MTUS2: variants seen among roughly 807,000 people sequenced by gnomAD.
MTUS2 encodes microtubule associated scaffold protein 2, also known as microtubule-associated tumor suppressor candidate 2.
A neutral mutation model predicts 114.1 loss-of-function variants in MTUS2; 40 were observed. The observed-to-expected ratio is 0.35, with a 90% CI of 0.27 to 0.46. MTUS2 has a LOEUF of 0.46. Among genes scored for constraint, MTUS2 ranks in the 20% least tolerant of loss-of-function variants. The pLI is 1.00. For missense variants in MTUS2, 1,679 were observed against 1,705.4 expected (o/e 0.98, Z 0.27); for synonymous variants, 688 against 672.0 (o/e 1.02, Z -0.37).
chr13:29,298,661 A>G (rs1308744215), intron 6 of MTUS2, among the ~76,000 whole-genome samples: 1 of 152,202 alleles, frequency 6.6e-6, no homozygotes, highest in South Asian at 2.1e-4. Context: ...GGAAAAAACA[A>G]AGTAAGAAAT....
At chr13:29,450,039 C>A (rs538715980) in intron 9 of MTUS2, among the ~76,000 whole-genome samples, 3 of 152,292 alleles carry the variant, frequency 2.0e-5, no homozygotes, top group Middle Eastern at 3.4e-3. Context: ...TGCCCCCCGA[C>A]CACGGTGCAG....
chr13:29,470,306 A>AT (rs1029228069), intron 9 of MTUS2, among the ~76,000 whole-genome samples: 10 of 152,146 alleles, frequency 6.6e-5, no homozygotes, highest in Admixed American at 5.2e-4. Context: ...TGAATTTTAT[A>AT]TTTTTCATAC....
chr13:29,194,954 A>G (rs1894618221), intron 5 of MTUS2, among the ~76,000 whole-genome samples: 1 of 150,058 alleles, frequency 6.7e-6, no homozygotes, highest in Admixed American at 6.6e-5. Flanking sequence ...AGGGACATGG[A>G]TGAAATTGGA....
intron 2 of MTUS2, among the ~76,000 whole-genome samples, chr13:28,843,920 A>G (rs1294328501): frequency 6.6e-6 from 1 of 152,228 alleles, no homozygotes; most frequent in Non-Finnish European, 1.5e-5. Flanking sequence ...GCTGTGTAAT[A>G]TTTGAACATG....
chr13:29,364,294 G>A (rs2138256001), intron 8 of MTUS2, among the ~76,000 whole-genome samples: 1 of 152,290 alleles, frequency 6.6e-6, no homozygotes, highest in East Asian at 1.9e-4. Context: ...GCAGAATGTG[G>A]GGTGAGCAAA....
chr13:29,086,083 T>C (rs1309924067), intron 4 of MTUS2, among the ~76,000 whole-genome samples: 1 of 152,232 alleles, frequency 6.6e-6, no homozygotes, highest in African/African-American at 2.4e-5. Flanking sequence ...GTATGTCTTC[T>C]TTTGAGAAGT....
At chr13:29,180,780 C>G (rs1056056394) in intron 5 of MTUS2, among the ~76,000 whole-genome samples, 1 of 152,150 alleles carries the variant, frequency 6.6e-6, no homozygotes, top group Admixed American at 6.5e-5. Flanking sequence ...TTGGCTCTTA[C>G]AAGTGGGACA....
intron 6 of MTUS2, among the ~76,000 whole-genome samples, chr13:29,316,464 G>T (rs962983971): frequency 3.5e-4 from 53 of 152,258 alleles, no homozygotes; most frequent in African/African-American, 1.2e-3. Flanking sequence ...GCCATTTCCT[G>T]GTCTCTTAGT....
intron 2 of MTUS2, among the ~76,000 whole-genome samples, chr13:28,895,243 C>G (rs950606818): frequency 6.6e-6 from 1 of 152,218 alleles, no homozygotes; most frequent in Admixed American, 6.5e-5. Flanking sequence ...GCCTCTGAGA[C>G]AGCATCCCTC....
In MTUS2 at chr13:29,404,571, T is replaced by C. The variant is rs145871764; in HGVS notation, c.3118-35412T>C. On this transcript the variant is annotated intron_variant, in intron 8 of 15. Coordinates refer to ENST00000612955, the MANE Select transcript of MTUS2 (RefSeq NM_001033602.4). ...CTCCACAGATACAATTTTAACATTG[T>C]TCTTAGAGCCACAGGTGGATTTGTG... Among the ~76,000 whole-genome samples the C allele has an allele frequency of 1.1e-3, 172 of 152,264 alleles. 1 individual carries two copies. Among genetic ancestry groups the C allele is most frequent in the African/African-American group, 4.0e-3 (168 of 41,572 alleles).
At position 29,247,936 on chromosome 13, in the gene MTUS2, AG is replaced by A. The variant is rs770426326; in HGVS notation, c.2645-33767del. 1.7e-4 allele frequency among the ~76,000 whole-genome samples: 26 copies of A among 152,178 alleles called. 1 individual carries two copies. The highest frequency in any genetic ancestry group is 1.7e-3 in the Admixed American group (26 of 15,284). On this transcript the variant is annotated intron_variant, in intron 5 of 15. Transcript: ENST00000612955. ...AGGAAAAGAAGTCGTTTTAGGAAAA[AG>A]ACACTTGCACATGCATGTTTATAGC...
At chr13:29,315,305 A>G (rs11840712) in intron 6 of MTUS2, among the ~76,000 whole-genome samples, 26,005 of 152,154 alleles carry the variant, frequency 0.17, 2,614 homozygotes, top group South Asian at 0.35. Flanking sequence ...TCAAGTAGCT[A>G]GAAGAGAGGA....
At chr13:29,010,483 T>A (rs1249498714) in intron 2 of MTUS2, among the ~76,000 whole-genome samples, 1 of 152,114 alleles carries the variant, frequency 6.6e-6, no homozygotes, top group Non-Finnish European at 1.5e-5. Context: ...GGGTCTCCCT[T>A]TCCTTGCCAC....
At position 28,859,224 on chromosome 13, in the gene MTUS2, G is replaced by A. The variant is rs538850587; in HGVS notation, c.-243+19374G>A. ...GTTGGACTTGACCCTGTGTTGCCCT[G>A]TTCAGTGGTCAGTACTACAGGGGTG... On this transcript the variant is annotated intron_variant, in intron 2 of 15. Coordinates refer to ENST00000612955, the MANE Select transcript of MTUS2 (RefSeq NM_001033602.4). Among the ~76,000 whole-genome samples, 8 of 152,322 alleles carry A rather than the reference G, an allele frequency of 5.3e-5. No individual in the cohort carries two copies. The East Asian group carries it at 5.8e-4, about 11-fold the overall frequency.
intron 3 of MTUS2, 68 bp from the exon 4 acceptor site, chr13:29,033,817 G>A (rs1407592911): frequency 3.7e-5 from 58 of 1,584,088 alleles, no homozygotes; most frequent in East Asian, 3.2e-4. Flanking sequence ...CCTCGGTCTC[G>A]TGGTCCTGTA....
intron 14 of MTUS2, 84 bp from the exon 15 acceptor site, chr13:29,501,013 C>G: frequency 9.8e-7 from 1 of 1,021,238 alleles, no homozygotes; most frequent in Non-Finnish European, 1.5e-6. Context: ...CTTGATAATC[C>G]TCCAATGCCC....
At chr13:28,994,261 A>G (rs149799673) in intron 2 of MTUS2, among the ~76,000 whole-genome samples, 2,681 of 152,182 alleles carry the variant, frequency 0.018, 80 homozygotes, top group African/African-American at 0.06. Flanking sequence ...ACAGTATTCC[A>G]TGGTGTATAT....
intron 5 of MTUS2, among the ~76,000 whole-genome samples, chr13:29,211,588 A>G (rs1304011021): frequency 3.9e-5 from 6 of 152,144 alleles, no homozygotes; most frequent in Admixed American, 2.6e-4. Flanking sequence ...AAAAGCAGAA[A>G]TGGCTTCCCT....
At chr13:29,015,564 C>T (rs939795332) in intron 2 of MTUS2, among the ~76,000 whole-genome samples, 2 of 152,126 alleles carry the variant, frequency 1.3e-5, no homozygotes, top group Non-Finnish European at 2.9e-5. Context: ...TGTGCATACC[C>T]GTTAACACAG....
Sources: allele counts gnomAD v4.1 joint callset (sites outside exome capture counted in the v4.1 genomes callset), GRCh38; gene constraint gnomAD v4.1.1; transcripts MANE v1.5; gene names NCBI Gene and HGNC (gene_info 2026-07-23, HGNC 2026-07-21).